The following FBXO36 variants were observed in gnomAD, a reference collection of about 807,000 sequenced individuals.
FBXO36 encodes the protein F-box only protein 36.
In FBXO36, 18 loss-of-function variants were observed where a neutral mutation model predicts 17.0. The observed-to-expected ratio is 1.06, with a 90% CI of 0.73 to 1.57. The LOEUF is 1.57. FBXO36 is among the 40% of genes most tolerant of loss of function. The pLI is 0.00. For synonymous variants in FBXO36, 83 were observed against 85.3 expected (o/e 0.97, Z 0.15); for missense variants, 229 against 221.9 (o/e 1.03, Z -0.20).
intron 1 of FBXO36, among the ~76,000 whole-genome samples, chr2:229,975,550 C>T (rs1400374918): frequency 6.6e-6 from 1 of 151,292 alleles, no homozygotes; most frequent in Non-Finnish European, 1.5e-5. Context: ...CTCACTGCAG[C>T]CGCAGCCTCA....
At chr2:230,000,274 C>G (rs952724242) in intron 3 of FBXO36, among the ~76,000 whole-genome samples, 1 of 144,874 alleles carries the variant, frequency 6.9e-6, no homozygotes, top group Non-Finnish European at 1.5e-5. Context: ...AGGATTGCTG[C>G]TTGAACTCAG....
intron 3 of FBXO36, among the ~76,000 whole-genome samples, chr2:230,002,506 C>T (rs2077365103): frequency 6.6e-6 from 1 of 152,102 alleles, no homozygotes; most frequent in African/African-American, 2.4e-5. Context: ...ACCTCAGCCT[C>T]CTGGGTAGCT....
intron 1 of FBXO36, among the ~76,000 whole-genome samples, chr2:229,975,606 T>G (rs1271642446): frequency 6.6e-6 from 1 of 150,982 alleles, no homozygotes; most frequent in Non-Finnish European, 1.5e-5. Flanking sequence ...TCACAAGTAG[T>G]GGGGACTACA....
intron 1 of FBXO36, among the ~76,000 whole-genome samples, chr2:229,938,495 T>TC (rs1482432794): frequency 2.0e-5 from 3 of 147,468 alleles, no homozygotes; most frequent in Non-Finnish European, 4.5e-5. Context: ...TTTTTTTTTT[T>TC]TTTCTTGAAG....
chr2:229,932,924 G>A (rs1232224482), intron 1 of FBXO36: 7 of 301,116 alleles, frequency 2.3e-5, no homozygotes, highest in Middle Eastern at 1.1e-3. Flanking sequence ...AAAATTAGCC[G>A]GGCGTGGTGA....
At chr2:229,935,807 A>G (rs1039199815) in intron 1 of FBXO36, among the ~76,000 whole-genome samples, 1 of 152,182 alleles carries the variant, frequency 6.6e-6, no homozygotes, top group African/African-American at 2.4e-5. Flanking sequence ...CTGTGTATCA[A>G]GTGCTACCAT....
chr2:229,977,613 G>C (rs1271412620), intron 2 of FBXO36, among the ~76,000 whole-genome samples: 3 of 151,828 alleles, frequency 2.0e-5, no homozygotes, highest in African/African-American at 7.3e-5. Context: ...ACCACGCCAG[G>C]CTAATTTTGT....
At chr2:229,986,088 A>G (rs1362164386) in intron 2 of FBXO36, among the ~76,000 whole-genome samples, 1 of 152,134 alleles carries the variant, frequency 6.6e-6, no homozygotes, top group Non-Finnish European at 1.5e-5. Flanking sequence ...AAGTTTTAGC[A>G]TGAAAATAAG....
At chr2:229,992,990 AT>A (rs1462486885) in intron 2 of FBXO36, among the ~76,000 whole-genome samples, 1 of 152,128 alleles carries the variant, frequency 6.6e-6, no homozygotes. Flanking sequence ...TCTTGCCCAA[AT>A]TCCTATCTGA....
At chr2:229,951,807 A>C (rs549576601) in intron 1 of FBXO36, among the ~76,000 whole-genome samples, 1 of 152,352 alleles carries the variant, frequency 6.6e-6, no homozygotes, top group African/African-American at 2.4e-5. Context: ...AGTGGAAACA[A>C]GGAAAGATCT....
rs1481931215 is a variant in FBXO36, at chr2:229,963,392, A to G, written c.97-12849A>G. Among the ~76,000 whole-genome samples, 5 of 148,694 alleles carry G rather than the reference A, an allele frequency of 3.4e-5. No individual in the cohort carries two copies. The East Asian group carries it at 6.1e-4, about 18-fold the overall frequency. ...CAGGTTGTTTTTTTTAGCTTTTGCC[A>G]GTAATACCTCAATGAAGAAACTTAT... On this transcript the variant is annotated intron_variant, in intron 1 of 3. Coordinates refer to ENST00000283946, the MANE Select transcript of FBXO36 (RefSeq NM_174899.5).
At chr2:229,948,543 C>A (rs961977881) in intron 1 of FBXO36, among the ~76,000 whole-genome samples, 2 of 146,870 alleles carry the variant, frequency 1.4e-5, no homozygotes, top group African/African-American at 2.5e-5. Context: ...AAAAAGACTT[C>A]ATTTCTCATC....
chr2:229,936,188 A>AAAAC (rs746199882), intron 1 of FBXO36, among the ~76,000 whole-genome samples: 2 of 152,100 alleles, frequency 1.3e-5, no homozygotes, highest in African/African-American at 4.8e-5. Context: ...TCCGTCTCAA[A>AAAAC]AAACAAACAA....
At chr2:229,951,653 A>G (rs888049869) in intron 1 of FBXO36, among the ~76,000 whole-genome samples, 4 of 152,330 alleles carry the variant, frequency 2.6e-5, no homozygotes, top group Admixed American at 1.3e-4. Flanking sequence ...TTTGGGATCT[A>G]TCTTCTCCCT....
intron 1 of FBXO36, among the ~76,000 whole-genome samples, chr2:229,940,446 A>C (rs752160104): frequency 4.6e-5 from 7 of 152,128 alleles, no homozygotes; most frequent in Non-Finnish European, 1.0e-4. Flanking sequence ...TGATTTATGG[A>C]AGATAGGCTG....
At chr2:229,967,384 G>A (rs1296673956) in intron 1 of FBXO36, among the ~76,000 whole-genome samples, 2 of 152,132 alleles carry the variant, frequency 1.3e-5, no homozygotes, top group African/African-American at 2.4e-5. Context: ...TCCCCTGCCT[G>A]ATTGCCCTGG....
chr2:229,955,816 AAAGTT>A (rs1179167095), intron 1 of FBXO36, among the ~76,000 whole-genome samples: 1 of 152,224 alleles, frequency 6.6e-6, no homozygotes, highest in Non-Finnish European at 1.5e-5. Context: ...TGGCCAATGA[AAAGTT>A]AAGGCTTTCT....
intron 3 of FBXO36, among the ~76,000 whole-genome samples, chr2:230,001,359 C>T (rs1459905656): frequency 6.6e-6 from 1 of 151,952 alleles, no homozygotes; most frequent in Non-Finnish European, 1.5e-5. Flanking sequence ...ACCATCTCGG[C>T]TCACTGCAAC....
At chr2:229,958,169 A>C (rs913994600) in intron 1 of FBXO36, among the ~76,000 whole-genome samples, 13 of 151,630 alleles carry the variant, frequency 8.6e-5, no homozygotes, top group Admixed American at 6.6e-4. Context: ...CAAATTAAAA[A>C]AAAAATTTTT....
Sources: allele counts gnomAD v4.1 joint callset (sites outside exome capture counted in the v4.1 genomes callset), GRCh38; gene constraint gnomAD v4.1.1; transcripts MANE v1.5; gene names NCBI Gene and HGNC (gene_info 2026-07-23, HGNC 2026-07-21).